The following TTLL9 variants were observed in gnomAD, a reference collection of about 807,000 sequenced individuals.
The protein encoded by TTLL9 is probable tubulin polyglutamylase TTLL9.
TTLL9 carries 47 observed loss-of-function variants against 65.6 expected under a neutral mutation model. The ratio of observed to expected loss-of-function variants is 0.72; its 90% confidence interval spans 0.57 to 0.91. The LOEUF is 0.91. Ranked by LOEUF, TTLL9 falls within the 40% of genes least tolerant of loss-of-function variation. The pLI is 0.00. For synonymous variants in TTLL9, 179 were observed against 204.8 expected (o/e 0.87, Z 1.07); for missense variants, 537 against 568.8 (o/e 0.94, Z 0.57).
Position 31,944,163 on chromosome 20 carries a change from C to A in TTLL9, c.*1142C>A. The stretch of plus-strand genomic sequence containing the variant: ...AGCATGAGGACTTCTCCCACTCATC[C>A]CTGTACCTGAGGCACACCAACCCAG... On this transcript the variant is annotated 3_prime_UTR_variant, in exon 15 of 15. Transcript: ENST00000535842. The A allele has an allele frequency of 4.4e-6, 1 of 227,132 alleles. No homozygotes were observed. The highest frequency in any genetic ancestry group is 6.5e-5 in the South Asian group (1 of 15,484). The allele number at this position is 227,132 out of a possible 1,614,324, so 14.1% of individuals were successfully genotyped here. A position where few individuals can be genotyped will look rare whatever the true frequency, so the allele number is the denominator to read the frequency against.
intron 4 of TTLL9, among the ~76,000 whole-genome samples, chr20:31,907,574 A>T (rs2063575597): frequency 6.6e-6 from 1 of 152,132 alleles, no homozygotes; most frequent in Non-Finnish European, 1.5e-5. Context: ...ATAAAAAATT[A>T]GCCAGTTGCG....
intron 13 of TTLL9, 125 bp from the exon 14 acceptor site, chr20:31,939,015 GTT>G: frequency 1.7e-6 from 2 of 1,155,166 alleles, no homozygotes; most frequent in Non-Finnish European, 2.3e-6. Flanking sequence ...CCAATGAATG[GTT>G]GGGAAAAAGG....
In TTLL9 at chr20:31,925,068, G is replaced by A. The variant is rs780915289; in HGVS notation, c.705+19G>A. 17 of 1,613,818 alleles carry A rather than the reference G, an allele frequency of 1.1e-5. No homozygotes were observed. The highest frequency in any genetic ancestry group is 1.7e-4 in the Middle Eastern group (1 of 6,050). On this transcript the variant is annotated intron_variant, in intron 9 of 14. Transcript: ENST00000535842. The stretch of plus-strand genomic sequence containing the variant: ...GATGTCGGTGAGTAACAAAGGTGGG[G>A]GCCCTCCTCCAGCAGGGGTTAAAGG...
At chr20:31,924,355 T>G (rs575925737) in intron 8 of TTLL9, among the ~76,000 whole-genome samples, 1 of 152,124 alleles carries the variant, frequency 6.6e-6, no homozygotes, top group Non-Finnish European at 1.5e-5. Context: ...TGACCTCATC[T>G]CCTTCCACTC....
chr20:31,918,959 C>A (rs529346375), intron 6 of TTLL9, among the ~76,000 whole-genome samples: 3 of 152,220 alleles, frequency 2.0e-5, no homozygotes, highest in Non-Finnish European at 4.4e-5. Context: ...CACCTGGCAG[C>A]CCTGCATGCC....
chr20:31,938,999 A>AAAC, intron 13 of TTLL9, 143 bp from the exon 14 acceptor site: 1 of 975,680 alleles, frequency 1.0e-6, no homozygotes, highest in Non-Finnish European at 1.4e-6. Context: ...GGCACCTGGG[A>AAAC]AACAGCCAAT....
chr20:31,932,900 G>A (rs975134199), intron 10 of TTLL9, among the ~76,000 whole-genome samples: 14 of 152,126 alleles, frequency 9.2e-5, no homozygotes, highest in Non-Finnish European at 1.2e-4. Flanking sequence ...GGAGGCTGAG[G>A]GAAGAGAATC....
intron 12 of TTLL9, among the ~76,000 whole-genome samples, chr20:31,935,972 T>C (rs2064102425): frequency 6.6e-6 from 1 of 152,164 alleles, no homozygotes; most frequent in East Asian, 1.9e-4. Context: ...GGACCACAGA[T>C]GGCTACGTCA....
chr20:31,931,673 T>C (rs892851882), intron 10 of TTLL9, among the ~76,000 whole-genome samples: 1 of 152,240 alleles, frequency 6.6e-6, no homozygotes, highest in African/African-American at 2.4e-5. Context: ...ACTGAGCACC[T>C]TTTATGTGCT....
intron 10 of TTLL9, among the ~76,000 whole-genome samples, chr20:31,933,463 AAAG>A (rs2064054177): frequency 6.6e-6 from 1 of 152,190 alleles, no homozygotes; most frequent in Non-Finnish European, 1.5e-5. Flanking sequence ...AAAGAAAAGA[AAAG>A]AAAAACCGTA....
chr20:31,924,898 G>A lies in TTLL9; in HGVS notation c.665-111G>A, dbSNP rs1468999319. 8 of 1,192,090 alleles carry A rather than the reference G, an allele frequency of 6.7e-6. No individual in the cohort carries two copies. The East Asian group carries it at 2.1e-4, about 31-fold the overall frequency. The allele number at this position is 1,192,090 out of a possible 1,614,324, so 73.8% of individuals were successfully genotyped here. A position where few individuals can be genotyped will look rare whatever the true frequency, so the allele number is the denominator to read the frequency against. The stretch of plus-strand genomic sequence containing the variant: ...AGCCCCTTGTGTAGTTTCAGCAGGA[G>A]CTTCATGAAGGCGGGGTTTCCTGTC... On this transcript the variant is annotated intron_variant, in intron 8 of 14. Coordinates refer to ENST00000535842, the MANE Select transcript of TTLL9 (RefSeq NM_001008409.5).
intron 3 of TTLL9, among the ~76,000 whole-genome samples, chr20:31,897,949 G>A (rs1241282646): frequency 2.0e-5 from 3 of 152,162 alleles, no homozygotes; most frequent in African/African-American, 7.2e-5. Flanking sequence ...TTCTGGGTTG[G>A]TGGCTTTTCA....
chr20:31,898,513 AAC>A lies in TTLL9; in HGVS notation c.159_160del (p.Leu54HisfsTer25). 6.2e-7 allele frequency: 1 copy of A among 1,614,140 alleles called. No individual in the cohort carries two copies. ...GATCCGGTTCAAGACCACCCTCATG[AAC>A]ACACTCATGGACGTCCTTCGCCACA... is the stretch of plus-strand genomic sequence containing the variant. The part of the protein sequence containing the change: ...ASIRFKTTLM[N>X]TLMDVLRHRP... On this transcript the variant is annotated frameshift_variant, in exon 4 of 15. Transcript: ENST00000535842. LOFTEE classifies it high-confidence loss of function.
rs949858064 is a variant in TTLL9 at position 31,944,056 on chromosome 20, A to G, written c.*1035A>G. ...GCCCGAAGGGAAGACTTTTGGAAGG[A>G]AAATACTGGCAAATCCAAGAAGTGA... is the stretch of plus-strand genomic sequence containing the variant. On this transcript the variant is annotated 3_prime_UTR_variant, in exon 15 of 15. Coordinates refer to ENST00000535842, the MANE Select transcript of TTLL9 (RefSeq NM_001008409.5). 3 of 338,612 alleles carry G rather than the reference A, an allele frequency of 8.9e-6. No individual in the cohort carries two copies. The East Asian group carries it at 2.2e-4, about 25-fold the overall frequency. The allele number at this position is 338,612 out of a possible 1,614,324, so 21.0% of individuals were successfully genotyped here.
At chr20:31,912,275 A>G (rs567533104) in intron 6 of TTLL9, among the ~76,000 whole-genome samples, 2 of 152,246 alleles carry the variant, frequency 1.3e-5, no homozygotes, top group African/African-American at 4.8e-5. Context: ...CCCGTGCAGC[A>G]TCCAGGGACC....
At chr20:31,892,186 T>C (rs2063316692) in intron 3 of TTLL9, among the ~76,000 whole-genome samples, 1 of 151,260 alleles carries the variant, frequency 6.6e-6, no homozygotes, top group African/African-American at 2.4e-5. Flanking sequence ...AACTTTCTTT[T>C]TTTTTTTTTT....
At position 31,943,560 on chromosome 20, in the gene TTLL9, G is replaced by T. The variant is rs1402191774; in HGVS notation, c.*539G>T. The T allele has an allele frequency of 2.9e-6, 1 of 349,034 alleles. No individual in the cohort carries two copies. Among genetic ancestry groups the T allele is most frequent in the Non-Finnish European group, 5.7e-6 (1 of 175,976 alleles). 21.6% of individuals were successfully genotyped at this position (349,034 alleles called of 1,614,324 possible). A position where few individuals can be genotyped will look rare whatever the true frequency, so the allele number is the denominator to read the frequency against. On this transcript the variant is annotated 3_prime_UTR_variant, in exon 15 of 15. Coordinates refer to ENST00000535842, the MANE Select transcript of TTLL9 (RefSeq NM_001008409.5). ...AGATTGTGTGTTTATTGGGGGCCTG[G>T]GGAAGTACTGAGCCCTAAACACATC...
chr20:31,874,843 G>A (rs566956325), intron 2 of TTLL9, among the ~76,000 whole-genome samples: 2 of 152,240 alleles, frequency 1.3e-5, no homozygotes, highest in African/African-American at 4.8e-5. Flanking sequence ...AGCAGAAGTC[G>A]GAGTGGTGTA....
chr20:31,944,925 G>C lies in TTLL9; in HGVS notation c.*1904G>C, dbSNP rs1236304808. 1 of 152,196 alleles carries C rather than the reference G, an allele frequency of 6.6e-6. No individual in the cohort carries two copies. The highest frequency in any genetic ancestry group is 6.5e-5 in the Admixed American group (1 of 15,278). 9.4% of individuals were successfully genotyped at this position (152,196 alleles called of 1,614,324 possible). A position where few individuals can be genotyped will look rare whatever the true frequency, so the allele number is the denominator to read the frequency against. ...ATGGAGTGGCGTGCCCTTACTGAAG[G>C]ACTAGATGAGGCAAATAAAGACTAG... On this transcript the variant is annotated 3_prime_UTR_variant, in exon 15 of 15. Coordinates refer to ENST00000535842, the MANE Select transcript of TTLL9 (RefSeq NM_001008409.5).
Sources: allele counts gnomAD v4.1 joint callset (sites outside exome capture counted in the v4.1 genomes callset), GRCh38; gene constraint gnomAD v4.1.1; transcripts MANE v1.5; gene names NCBI Gene and HGNC (gene_info 2026-07-23, HGNC 2026-07-21).